Variants in LAPTM4B observed in about 807,000 individuals in gnomAD.
LAPTM4B encodes the protein lysosomal-associated transmembrane protein 4B.
Under a neutral mutation model 28.5 loss-of-function variants are expected in LAPTM4B, and 26 were observed. The observed-to-expected ratio is 0.91, with a 90% CI of 0.67 to 1.27. LAPTM4B has a LOEUF of 1.27. LAPTM4B is among the 50% of genes most tolerant of loss of function. The pLI, the probability that LAPTM4B is intolerant of heterozygous loss-of-function variation, is 0.00. For synonymous variants in LAPTM4B, 109 were observed against 106.4 expected (o/e 1.02, Z -0.15); for missense variants, 288 against 285.8 (o/e 1.01, Z -0.06).
intron 6 of LAPTM4B, among the ~76,000 whole-genome samples, chr8:97,847,013 A>G (rs72673486): frequency 0.13 from 19,171 of 152,196 alleles, 1,410 homozygotes; most frequent in East Asian, 0.19. Context: ...CTCTGGTAAC[A>G]CTCTGAATCT....
chr8:97,841,370 C>T (rs922540517), intron 6 of LAPTM4B, among the ~76,000 whole-genome samples: 2 of 152,190 alleles, frequency 1.3e-5, no homozygotes, highest in Admixed American at 6.5e-5. Flanking sequence ...TCTTGTCACC[C>T]GGGCTGGAGT....
intron 1 of LAPTM4B, among the ~76,000 whole-genome samples, chr8:97,798,468 A>G: frequency 6.6e-6 from 1 of 152,138 alleles, no homozygotes; most frequent in East Asian, 1.9e-4. Flanking sequence ...GTGATGTGTA[A>G]TGAGCTTACC....
intron 1 of LAPTM4B, among the ~76,000 whole-genome samples, chr8:97,776,638 C>T (rs868368534): frequency 6.6e-6 from 1 of 152,222 alleles, no homozygotes; most frequent in Middle Eastern, 3.4e-3. Flanking sequence ...GTCGCACGTT[C>T]GGATCCCGAG....
chr8:97,852,700 TTG>T lies in LAPTM4B; in HGVS notation c.*1227_*1228del, dbSNP rs1491375747. On this transcript the variant is annotated 3_prime_UTR_variant, in exon 7 of 7. Transcript: ENST00000521545. Reference sequence around the variant, plus strand: ...TTCAGCCTAAGGAGTAGGCTTTTTTTTGGGGGGGGGAGGTCGGGTGGGGGGGA... The same window carrying T: ...TTCAGCCTAAGGAGTAGGCTTTTTTTGGGGGGGGAGGTCGGGTGGGGGGGA... 57 of 151,870 alleles carry T rather than the reference TTG, an allele frequency of 3.8e-4. No homozygotes were observed. The highest frequency in any genetic ancestry group is 4.8e-4 in the African/African-American group (14 of 28,936). The allele number at this position is 151,870 out of a possible 1,614,324, so 9.4% of individuals were successfully genotyped here.
chr8:97,815,381 G>T lies in LAPTM4B; in HGVS notation c.265G>T (p.Ala89Ser). Residue 89 changes from alanine to serine, a missense_variant, in exon 3 of 7, where the codon GCT (alanine) becomes TCT (serine). Ala to Ser is a moderately conservative substitution (Grantham distance 99). Transcript: ENST00000521545. ...SLLMILICAM[A>S]TYGAYKQRAA... Reference sequence around the variant, plus strand: ...TCTCATGATCCTGATATGTGCTATGGCTACTTACGGAGCGTACAAGGTAAG... The same window carrying T: ...TCTCATGATCCTGATATGTGCTATGTCTACTTACGGAGCGTACAAGGTAAG... The T allele has an allele frequency of 7.4e-6, 12 of 1,613,762 alleles. No homozygotes were observed. The highest frequency in any genetic ancestry group is 9.3e-6 in the Non-Finnish European group (11 of 1,179,708).
In LAPTM4B at chr8:97,840,052, G is replaced by A. The variant is rs151246960; in HGVS notation, c.604-11345G>A. Among the ~76,000 whole-genome samples, 748 of 152,288 alleles carry A rather than the reference G, an allele frequency of 4.9e-3. 6 individuals are homozygous for A. Among genetic ancestry groups the A allele is most frequent in the African/African-American group, 0.016 (682 of 41,556 alleles). On this transcript the variant is annotated intron_variant, in intron 6 of 6. Coordinates refer to ENST00000521545, the MANE Select transcript of LAPTM4B (RefSeq NM_018407.6). ...GTATCCCCCTGGAACGGTTGTTGTC[G>A]TGAAGGAGATGTGTACAGTAGGTGG...
intron 4 of LAPTM4B, among the ~76,000 whole-genome samples, chr8:97,818,697 T>C (rs573370355): frequency 4.9e-4 from 74 of 152,194 alleles, no homozygotes; most frequent in African/African-American, 1.7e-3. Flanking sequence ...ATATGCCCTT[T>C]AGAATGGTTC....
At chr8:97,810,479 G>C (rs187908240) in intron 2 of LAPTM4B, among the ~76,000 whole-genome samples, 66 of 152,284 alleles carry the variant, frequency 4.3e-4, no homozygotes, top group African/African-American at 1.6e-3. Context: ...AGGGTGAAGG[G>C]TATACGTGAA....
chr8:97,798,563 C>T (rs552178129), intron 1 of LAPTM4B, among the ~76,000 whole-genome samples: 29 of 152,182 alleles, frequency 1.9e-4, no homozygotes, highest in African/African-American at 6.5e-4. Flanking sequence ...CTTGGTCCCC[C>T]GAGAGAAAGA....
At chr8:97,804,191 G>A (rs554839104) in intron 1 of LAPTM4B, among the ~76,000 whole-genome samples, 2 of 152,184 alleles carry the variant, frequency 1.3e-5, no homozygotes, top group Non-Finnish European at 2.9e-5. Context: ...GCCAGCCTGG[G>A]CAATATAGAC....
intron 2 of LAPTM4B, among the ~76,000 whole-genome samples, chr8:97,809,566 G>T (rs1396683362): frequency 6.6e-6 from 1 of 152,130 alleles, no homozygotes; most frequent in African/African-American, 2.4e-5. Context: ...CGGGTGTGAT[G>T]GTGCGTACCT....
At chr8:97,840,078 C>T (rs1032118028) in intron 6 of LAPTM4B, among the ~76,000 whole-genome samples, 1 of 152,138 alleles carries the variant, frequency 6.6e-6, no homozygotes, top group African/African-American at 2.4e-5. Context: ...CAGTAGGTGG[C>T]GTAGCACATT....
intron 6 of LAPTM4B, among the ~76,000 whole-genome samples, chr8:97,825,447 G>T (rs1817078015): frequency 6.6e-6 from 1 of 152,148 alleles, no homozygotes; most frequent in African/African-American, 2.4e-5. Flanking sequence ...TCTTAAACCT[G>T]CATTGTTAAA....
At chr8:97,796,824 C>T (rs1359882296) in intron 1 of LAPTM4B, among the ~76,000 whole-genome samples, 1 of 152,112 alleles carries the variant, frequency 6.6e-6, no homozygotes, top group African/African-American at 2.4e-5. Context: ...CTTGTAATCC[C>T]AGCTACTCAG....
intron 1 of LAPTM4B, among the ~76,000 whole-genome samples, chr8:97,785,317 T>A (rs1816383971): frequency 6.6e-6 from 1 of 152,074 alleles, no homozygotes; most frequent in South Asian, 2.1e-4. Flanking sequence ...CCTCAGGTGA[T>A]CCGCCCGCCT....
intron 1 of LAPTM4B, among the ~76,000 whole-genome samples, chr8:97,801,232 G>A (rs1266749696): frequency 6.7e-6 from 1 of 148,680 alleles, no homozygotes; most frequent in East Asian, 2.0e-4. Context: ...AGGCTGGAGT[G>A]CAATGGTGCC....
intron 6 of LAPTM4B, among the ~76,000 whole-genome samples, chr8:97,848,560 C>T (rs1317914348): frequency 6.6e-6 from 1 of 152,072 alleles, no homozygotes; most frequent in Non-Finnish European, 1.5e-5. Context: ...TGGCTCATGC[C>T]TGTAATCCCA....
At chr8:97,835,998 G>T (rs1817255437) in intron 6 of LAPTM4B, among the ~76,000 whole-genome samples, 1 of 152,072 alleles carries the variant, frequency 6.6e-6, no homozygotes, top group African/African-American at 2.4e-5. Context: ...ACGGATCTAG[G>T]CTGCATGCTC....
At chr8:97,793,798 C>A (rs1816541584) in intron 1 of LAPTM4B, among the ~76,000 whole-genome samples, 3 of 152,148 alleles carry the variant, frequency 2.0e-5, no homozygotes. Flanking sequence ...GGCAAGTATT[C>A]TTGGGACTAA....
Sources: allele counts gnomAD v4.1 joint callset (sites outside exome capture counted in the v4.1 genomes callset), GRCh38; gene constraint gnomAD v4.1.1; transcripts MANE v1.5; gene names NCBI Gene and HGNC (gene_info 2026-07-23, HGNC 2026-07-21).